KIAA1549: variants seen among roughly 807,000 people sequenced by gnomAD.
The protein encoded by KIAA1549 is KIAA1549.
A neutral mutation model predicts 156.4 loss-of-function variants in KIAA1549; 70 were observed. The observed-to-expected ratio is 0.45, with a 90% confidence interval of 0.37 to 0.55. KIAA1549 has a LOEUF of 0.55. KIAA1549 is among the 20% of genes least tolerant of loss of function. The pLI is 0.00. For synonymous variants in KIAA1549, 1,103 were observed against 1,066.4 expected, an observed-to-expected ratio of 1.03 and a Z score of -0.67; for missense variants, 2,428 against 2,540.9, an observed-to-expected ratio of 0.96 and a Z score of 0.96.
intron 1 of KIAA1549, among the ~76,000 whole-genome samples, chr7:138,920,081 G>A (rs1812516151): frequency 6.9e-6 from 1 of 145,550 alleles, no homozygotes; most frequent in Admixed American, 6.8e-5. Flanking sequence ...GGCCTTCCCA[G>A]CTATGCTCTG....
chr7:138,933,110 C>T (rs546969825), intron 1 of KIAA1549, among the ~76,000 whole-genome samples: 1 of 152,136 alleles, frequency 6.6e-6, no homozygotes, highest in South Asian at 2.1e-4. Flanking sequence ...TGGCAGAAGC[C>T]AGGCTGACTA....
rs1290629535 is a variant in KIAA1549 at position 138,918,066 on chromosome 7, C to T, written c.1560G>A (p.Gln520=). ...AGAGGCGGCCGTGGGCAGGGGGAAC[C>T]TGTGTGGTTGTAACACTACTCATAT... ...EVDMSSVTTT[Q]VPPAHGRLSV... The change falls in exon 2 of 20, where the codon CAG becomes CAA. Residue 520 remains glutamine (Q), a synonymous_variant. Transcript: ENST00000422774. This position sits in a 1 kb window ranked among gnomAD's most constrained non-coding sequence, Gnocchi z 4.2. 1.2e-6 allele frequency: 2 copies of T among 1,613,332 alleles called. No individual in the cohort carries two copies. The highest frequency in any genetic ancestry group is 1.7e-6 in the Non-Finnish European group (2 of 1,179,700).
chr7:138,967,251 T>C (rs1224094629), intron 1 of KIAA1549, among the ~76,000 whole-genome samples: 2 of 151,978 alleles, frequency 1.3e-5, no homozygotes, highest in African/African-American at 4.8e-5. Context: ...CACAGACAAA[T>C]ATGTAGAAGA....
intron 7 of KIAA1549, among the ~76,000 whole-genome samples, chr7:138,904,707 A>AT (rs891289928): frequency 1.2e-4 from 19 of 152,154 alleles, no homozygotes; most frequent in Admixed American, 3.3e-4. Flanking sequence ...TTTAGAAAAA[A>AT]AAAAATAAAA....
At chr7:138,941,424 A>G (rs1813180251) in intron 1 of KIAA1549, among the ~76,000 whole-genome samples, 1 of 152,246 alleles carries the variant, frequency 6.6e-6, no homozygotes, top group Non-Finnish European at 1.5e-5. Flanking sequence ...CATTTATTAC[A>G]GCACCTTTCC....
Position 138,861,419 on chromosome 7 carries a change from G to T in KIAA1549, c.4967C>A (p.Ser1656Tyr). 1 of 1,612,472 alleles carries T rather than the reference G, an allele frequency of 6.2e-7. No individual in the cohort carries two copies. Among genetic ancestry groups the T allele is most frequent in the Non-Finnish European group, 8.5e-7 (1 of 1,179,406 alleles). Residue 1656 changes from serine to tyrosine, a missense_variant, in exon 16 of 20, where the codon TCC becomes TAC. Transcript: ENST00000422774. ...TGGATACCTCCCCAGTTCCACCGAG[G>T]ATGGTGTCTGCACATCGGCTGGGAG... ...PDLPADVQTP[S>Y]SVELGRYPAL...
chr7:138,881,659 C>A, intron 10 of KIAA1549, 75 bp from the exon 11 acceptor site: 2 of 1,314,660 alleles, frequency 1.5e-6, no homozygotes, highest in South Asian at 1.4e-5. Flanking sequence ...AACTTCTGAC[C>A]CAAGACTGTG....
intron 1 of KIAA1549, among the ~76,000 whole-genome samples, chr7:138,934,725 C>A (rs1166469052): frequency 6.6e-6 from 1 of 152,188 alleles, no homozygotes; most frequent in Non-Finnish European, 1.5e-5. Context: ...TGAGATCTGA[C>A]TTCCCAAGTG....
At chr7:138,840,805 T>C (rs1177382943) in intron 18 of KIAA1549, among the ~76,000 whole-genome samples, 2 of 152,174 alleles carry the variant, frequency 1.3e-5, no homozygotes, top group African/African-American at 4.8e-5. Flanking sequence ...CTCCTCCCTG[T>C]GAGCACCACA....
intron 10 of KIAA1549, among the ~76,000 whole-genome samples, chr7:138,882,580 T>G (rs1350291707): frequency 6.6e-6 from 1 of 152,140 alleles, no homozygotes; most frequent in Non-Finnish European, 1.5e-5. Flanking sequence ...GAGCTGAGTT[T>G]TTCAACATAA....
chr7:138,844,816 C>T (rs972553790), intron 17 of KIAA1549, among the ~76,000 whole-genome samples: 6 of 152,142 alleles, frequency 3.9e-5, no homozygotes, highest in African/African-American at 1.4e-4. Flanking sequence ...ACGACGCTCA[C>T]ACTGCACCCC....
chr7:138,951,657 G>A (rs1006027891), intron 1 of KIAA1549, among the ~76,000 whole-genome samples: 1 of 152,140 alleles, frequency 6.6e-6, no homozygotes, highest in Non-Finnish European at 1.5e-5. Flanking sequence ...TTTTTATAAA[G>A]TACCCAAAAC....
At chr7:138,921,072 C>T (rs1812551185) in intron 1 of KIAA1549, among the ~76,000 whole-genome samples, 1 of 152,092 alleles carries the variant, frequency 6.6e-6, no homozygotes, top group Non-Finnish European at 1.5e-5. Context: ...GTTGTTTAGG[C>T]CACAACGGAG....
chr7:138,963,666 G>A (rs111770139), intron 1 of KIAA1549, among the ~76,000 whole-genome samples: 11,921 of 152,180 alleles, frequency 0.078, 1,525 homozygotes, highest in African/African-American at 0.27. Flanking sequence ...TAGGACAGCC[G>A]GCTGTACCAG....
chr7:138,871,419 T>C (rs893725447), intron 12 of KIAA1549, 57 bp from the exon 13 acceptor site: 1 of 1,402,208 alleles, frequency 7.1e-7, no homozygotes, highest in Non-Finnish European at 9.5e-7. Flanking sequence ...AAACAGCAAC[T>C]AATCAAAATT....
chr7:138,856,644 G>A (rs944874728), intron 16 of KIAA1549, among the ~76,000 whole-genome samples: 2 of 152,176 alleles, frequency 1.3e-5, no homozygotes, highest in African/African-American at 4.8e-5. Flanking sequence ...AGGATGACAT[G>A]TAGGCTCCAT....
chr7:138,903,219 T>C (rs1199844215), intron 8 of KIAA1549, among the ~76,000 whole-genome samples: 1 of 152,212 alleles, frequency 6.6e-6, no homozygotes, highest in African/African-American at 2.4e-5. Context: ...TTTATCGCTA[T>C]GATGCTATCA....
At chr7:138,898,257 A>G (rs1260484302) in intron 9 of KIAA1549, among the ~76,000 whole-genome samples, 3 of 148,642 alleles carry the variant, frequency 2.0e-5, no homozygotes, top group Non-Finnish European at 3.0e-5. Context: ...CAGTGAGCCG[A>G]GATCACACCA....
rs985266455 is a variant in KIAA1549, at chr7:138,833,232, T to C, written c.*4674A>G. 4.3e-5 allele frequency: 10 copies of C among 232,576 alleles called. No individual in the cohort carries two copies. Among genetic ancestry groups the C allele is most frequent in the Non-Finnish European group, 6.8e-5 (8 of 117,712 alleles). 14.4% of individuals were successfully genotyped at this position (232,576 alleles called of 1,614,324 possible). A position where few individuals can be genotyped will look rare whatever the true frequency, so the allele number is the denominator to read the frequency against. ...CCTCCTTCCCCTGTGCCCAAAACGT[T>C]ACCCAGCTTTCCTTCCAAACGACAA... On this transcript the variant is annotated 3_prime_UTR_variant, in exon 20 of 20. Coordinates refer to ENST00000422774, the MANE Select transcript of KIAA1549 (RefSeq NM_001164665.2).
Sources: gnomAD v4.1 joint callset for allele counts (sites outside exome capture counted in the v4.1 genomes callset) on GRCh38, gnomAD v4.1.1 for gene constraint, Gnocchi (gnomAD v3.1) non-coding constraint, MANE v1.5 for transcripts, NCBI Gene and HGNC (gene_info 2026-07-23, HGNC 2026-07-21) for gene names.